Variants in DOCK7 observed in about 807,000 individuals in gnomAD.
DOCK7 encodes the protein dedicator of cytokinesis protein 7.
Under a neutral mutation model 271.0 loss-of-function variants are expected in DOCK7, and 138 were observed. That is an observed-to-expected ratio of 0.51 (90% CI 0.44 to 0.59). The LOEUF (loss-of-function observed/expected upper bound fraction) is 0.59, where lower values mean the gene tolerates loss of function less well. DOCK7 is among the 20% of genes least tolerant of loss of function. The pLI is 0.00. For missense variants in DOCK7, 2,066 were observed against 2,592.4 expected (o/e 0.80, Z 4.41); for synonymous variants, 823 against 876.1 (o/e 0.94, Z 1.07).
intron 16 of DOCK7, among the ~76,000 whole-genome samples, chr1:62,582,603 CAA>C (rs910254260): frequency 7.4e-6 from 1 of 135,418 alleles, no homozygotes; most frequent in African/African-American, 2.6e-5. Context: ...CTGTGGGCCC[CAA>C]AAAAAAAAAG....
chr1:62,544,475 T>A (rs1025714214), intron 23 of DOCK7, among the ~76,000 whole-genome samples: 6 of 152,216 alleles, frequency 3.9e-5, no homozygotes, highest in Non-Finnish European at 8.8e-5. Context: ...CTGTTCACAT[T>A]CAATTTCAAC....
intron 18 of DOCK7, among the ~76,000 whole-genome samples, chr1:62,565,614 G>A (rs1416316488): frequency 6.6e-6 from 1 of 152,086 alleles, no homozygotes; most frequent in Non-Finnish European, 1.5e-5. Context: ...ATACTGAATA[G>A]GCGAAAACTG....
In DOCK7 at chr1:62,475,961, CCTT is replaced by C. The variant is rs765808259; in HGVS notation, c.5725-21_5725-19del. 1.6e-5 allele frequency: 26 copies of C among 1,607,998 alleles called. 1 individual carries two copies. Among genetic ancestry groups the C allele is most frequent in the Non-Finnish European group, 1.9e-5 (22 of 1,175,432 alleles). On this transcript the variant is annotated intron_variant, in intron 45 of 49. Coordinates refer to ENST00000635253, the MANE Select transcript of DOCK7 (RefSeq NM_001367561.1). ...ATATATGCCTAGGAAAGAAAAAAGT[CCTT>C]CATTTCCTCACTGTTAAGTCATCAT...
At position 62,680,315 on chromosome 1, in the gene DOCK7, C is replaced by T. The variant is rs1046011968; in HGVS notation, c.38+7912G>A. ...GGATTCCCTATTTAATAAATGGTGT[C>T]GGGAAACCTGGCTAGCCATATGTAG... On this transcript the variant is annotated intron_variant, in intron 1 of 49. Transcript: ENST00000635253. Among the ~76,000 whole-genome samples, 533 of 151,164 alleles carry T rather than the reference C, an allele frequency of 3.5e-3. 2 individuals are homozygous for T. The highest frequency in any genetic ancestry group is 0.012 in the African/African-American group (503 of 40,646).
chr1:62,658,210 T>C (rs933391340), intron 2 of DOCK7, among the ~76,000 whole-genome samples: 3 of 151,594 alleles, frequency 2.0e-5, no homozygotes, highest in African/African-American at 7.3e-5. Flanking sequence ...TCCTAGCACT[T>C]TGGGAGGCAG....
intron 29 of DOCK7, chr1:62,530,916 T>C (rs946255473): frequency 2.0e-5 from 3 of 152,468 alleles, no homozygotes; most frequent in Non-Finnish European, 4.4e-5. Flanking sequence ...GGTGGCCTCC[T>C]GCCCAAGCCC....
chr1:62,531,020 A>G (rs975790702), intron 29 of DOCK7: 2 of 152,282 alleles, frequency 1.3e-5, no homozygotes, highest in Admixed American at 6.5e-5. Flanking sequence ...AACATTGTCA[A>G]GAACCACATC....
intron 22 of DOCK7, among the ~76,000 whole-genome samples, chr1:62,551,582 T>C (rs1645906629): frequency 6.6e-6 from 1 of 152,080 alleles, no homozygotes; most frequent in African/African-American, 2.4e-5. Context: ...GAAGGGTAGC[T>C]ATAAATAAAC....
intron 28 of DOCK7, among the ~76,000 whole-genome samples, chr1:62,535,842 C>A (rs1433640148): frequency 6.6e-6 from 1 of 152,156 alleles, no homozygotes; most frequent in Non-Finnish European, 1.5e-5. Flanking sequence ...AGAAATTAAT[C>A]ATTGAAAATT....
intron 37 of DOCK7, among the ~76,000 whole-genome samples, chr1:62,500,154 A>G (rs2149311331): frequency 6.6e-6 from 1 of 152,290 alleles, no homozygotes; most frequent in East Asian, 1.9e-4. Flanking sequence ...CACCAGATAA[A>G]GAATACTTAA....
intron 1 of DOCK7, among the ~76,000 whole-genome samples, chr1:62,665,403 C>T (rs1379205541): frequency 1.3e-5 from 2 of 152,032 alleles, no homozygotes; most frequent in Admixed American, 6.6e-5. Flanking sequence ...TATGTAAAAG[C>T]CTTTAAAAAG....
At chr1:62,525,577 T>C (rs138783696) in intron 31 of DOCK7, among the ~76,000 whole-genome samples, 2,726 of 152,314 alleles carry the variant, frequency 0.018, 28 homozygotes, top group Middle Eastern at 0.044. Flanking sequence ...TTGAGAACAA[T>C]GGTCATTCCC....
intron 1 of DOCK7, among the ~76,000 whole-genome samples, chr1:62,685,379 A>C (rs1055446913): frequency 6.6e-6 from 1 of 152,234 alleles, no homozygotes; most frequent in Non-Finnish European, 1.5e-5. Flanking sequence ...GAATTGATTC[A>C]GAAGTATTAA....
intron 2 of DOCK7, among the ~76,000 whole-genome samples, chr1:62,660,861 G>A (rs578063386): frequency 6.6e-6 from 1 of 152,140 alleles, no homozygotes; most frequent in Non-Finnish European, 1.5e-5. Context: ...CCAACACTTT[G>A]GGAGGCCAAA....
chr1:62,539,865 A>C lies in DOCK7; in HGVS notation c.3073T>G (p.Phe1025Val). ...CTTGGAGCCTCAAGTTTATCATTAA[A>C]GTATAAATGGTGCACCATGCTCTTT... ...MVKSMVHHLY[F>V]NDKLEAPRKS... Residue 1025 changes from phenylalanine to valine, a missense_variant, in exon 26 of 50, where the codon TTT (phenylalanine) becomes GTT (valine). Coordinates refer to ENST00000635253, the MANE Select transcript of DOCK7 (RefSeq NM_001367561.1). 2 of 1,612,642 alleles carry C rather than the reference A, an allele frequency of 1.2e-6. No homozygotes were observed. Among genetic ancestry groups the C allele is most frequent in the Non-Finnish European group, 1.7e-6 (2 of 1,179,106 alleles).
chr1:62,617,304 T>TA (rs1652562731), intron 14 of DOCK7, among the ~76,000 whole-genome samples: 1 of 151,950 alleles, frequency 6.6e-6, no homozygotes, highest in South Asian at 2.1e-4. Flanking sequence ...TGCAGTGTCT[T>TA]ATAGACTGTT....
At chr1:62,507,602 T>C (rs1646980561) in intron 35 of DOCK7, among the ~76,000 whole-genome samples, 1 of 152,234 alleles carries the variant, frequency 6.6e-6, no homozygotes, top group African/African-American at 2.4e-5. Flanking sequence ...TGCTGTGGTA[T>C]ACAGAGGATA....
chr1:62,657,302 C>A (rs1395419093), intron 2 of DOCK7, among the ~76,000 whole-genome samples: 1 of 152,176 alleles, frequency 6.6e-6, no homozygotes, highest in African/African-American at 2.4e-5. Flanking sequence ...TCCTGCTCAA[C>A]AGTAAGTAAC....
rs1654602449 is a variant in DOCK7, at chr1:62,631,339, G to A, written c.1183C>T (p.Arg395Cys). ...ATTGCAGTCCAAGCAAAAGGCATGC[G>A]ATATTTCCCAAGTCTTTGGCAAAAC... ...DQFCQRLGKY[R>C]MPFAWTAIHL... The change falls in exon 11 of 50, where the codon CGC becomes TGC. Residue 395 changes from arginine (R) to cysteine (C), a missense_variant. Transcript: ENST00000635253. The A allele has an allele frequency of 3.7e-6, 6 of 1,613,202 alleles. No individual in the cohort carries two copies. In the African/African-American group the frequency reaches 5.3e-5, roughly 14 times the overall value.
Sources: gnomAD v4.1 joint callset for allele counts (sites outside exome capture counted in the v4.1 genomes callset) on GRCh38, gnomAD v4.1.1 for gene constraint, MANE v1.5 for transcripts, NCBI Gene and HGNC (gene_info 2026-07-23, HGNC 2026-07-21) for gene names.